JOSD1: variants seen among roughly 807,000 people sequenced by gnomAD.
The protein encoded by JOSD1 is Josephin domain containing 1.
A neutral mutation model predicts 24.3 loss-of-function variants in JOSD1; 11 were observed. The ratio of observed to expected loss-of-function variants is 0.45; its 90% CI spans 0.29 to 0.75. JOSD1 has a LOEUF of 0.75. Among genes scored for constraint, JOSD1 ranks in the 30% least tolerant of loss-of-function variants. JOSD1 has a pLI of 0.11. For missense variants in JOSD1, 184 were observed against 253.5 expected (o/e 0.73, Z 1.86); for synonymous variants, 106 against 93.8 (o/e 1.13, Z -0.75).
At chr22:38,699,554 A>C (rs2092558639) in intron 2 of JOSD1, among the ~76,000 whole-genome samples, 1 of 152,256 alleles carries the variant, frequency 6.6e-6, no homozygotes, top group African/African-American at 2.4e-5. Flanking sequence ...TCACATATTA[A>C]CACGTATTCC....
At position 38,700,886 on chromosome 22, in the gene JOSD1, C is replaced by G. The variant is rs1205929372; in HGVS notation, c.-718G>C. On this transcript the variant is annotated 5_prime_UTR_variant, in exon 1 of 5. Transcript: ENST00000683374. Reference sequence around the variant, plus strand: ...CCCCAGGGCCGCCGGGACTGCTCGCCGCTGGCGGTCCCCTCACCGCAGCCG... The same window carrying G: ...CCCCAGGGCCGCCGGGACTGCTCGCGGCTGGCGGTCCCCTCACCGCAGCCG... The G allele has an allele frequency of 2.0e-5, 20 of 984,356 alleles. No homozygotes were observed. The highest frequency in any genetic ancestry group is 2.4e-5 in the Non-Finnish European group (20 of 829,634). 61.0% of individuals were successfully genotyped at this position (984,356 alleles called of 1,614,324 possible).
At chr22:38,693,867 C>A (rs1298508557) in intron 2 of JOSD1, among the ~76,000 whole-genome samples, 1 of 152,142 alleles carries the variant, frequency 6.6e-6, no homozygotes, top group Non-Finnish European at 1.5e-5. Flanking sequence ...GAGTTCATAT[C>A]CTAGCACCGA....
At chr22:38,691,780 A>G (rs959431434) in intron 2 of JOSD1, among the ~76,000 whole-genome samples, 4 of 152,064 alleles carry the variant, frequency 2.6e-5, no homozygotes. Flanking sequence ...TGACCACCCA[A>G]CCATAAGTTT....
chr22:38,690,336 C>T (rs2092516376), intron 2 of JOSD1, among the ~76,000 whole-genome samples: 1 of 152,076 alleles, frequency 6.6e-6, no homozygotes, highest in South Asian at 2.1e-4. Context: ...GATGTCAACT[C>T]TAAAAAACTT....
In JOSD1 at chr22:38,689,321, C is replaced by T; in HGVS notation, c.289G>A (p.Glu97Lys). 6.2e-7 allele frequency: 1 copy of T among 1,614,274 alleles called. No individual in the cohort carries two copies. The highest frequency in any genetic ancestry group is 8.5e-7 in the Non-Finnish European group (1 of 1,180,046). The stretch of plus-strand genomic sequence containing the variant: ...CTGCGCTTGTCCCACCAAACAGCTT[C>T]ATAGCCTTTGGTCTGAAGTGCTGCC... ...IMAALQTKGY[E>K]AVWWDKRRDV... Residue 97 changes from glutamate to lysine, a missense_variant, in exon 3 of 5, where the codon GAA (glutamate) becomes AAA (lysine). Coordinates refer to ENST00000683374, the MANE Select transcript of JOSD1 (RefSeq NM_001360236.2).
At position 38,700,223 on chromosome 22, in the gene JOSD1, A is replaced by G; in HGVS notation, c.-236T>C. ...TTTGGATTACTTTTATTTTGCTACCACTGTCAAAGTGCAGAATTTAAAAAA... is the reference window on the plus strand; with the variant it reads ...TTTGGATTACTTTTATTTTGCTACCGCTGTCAAAGTGCAGAATTTAAAAAA... On this transcript the variant is annotated 5_prime_UTR_variant, in exon 2 of 5. Coordinates refer to ENST00000683374, the MANE Select transcript of JOSD1 (RefSeq NM_001360236.2). 1 of 1,206,762 alleles carries G rather than the reference A, an allele frequency of 8.3e-7. No homozygotes were observed. Among genetic ancestry groups the G allele is most frequent in the Non-Finnish European group, 1.0e-6 (1 of 969,798 alleles). 74.8% of individuals were successfully genotyped at this position (1,206,762 alleles called of 1,614,324 possible).
rs143129875 is a variant in JOSD1 at position 38,691,002 on chromosome 22, G to A, written c.186-1578C>T. ...GAGGCAGAGGCTGGATGTCACCACT[G>A]CATCCAGCCTGGGTGACAGAGTGAG... On this transcript the variant is annotated intron_variant, in intron 2 of 4. Transcript: ENST00000683374. 4.8e-4 allele frequency among the ~76,000 whole-genome samples: 73 copies of A among 152,214 alleles called. 1 individual carries two copies. The East Asian group carries it at 0.013, about 28-fold the overall frequency.
chr22:38,689,364 G>A lies in JOSD1; in HGVS notation c.246C>T (p.Tyr82=), dbSNP rs1486222771. 1.1e-5 allele frequency: 17 copies of A among 1,614,076 alleles called. No individual in the cohort carries two copies. The highest frequency in any genetic ancestry group is 1.3e-5 in the African/African-American group (1 of 74,916). ...GTGCTGCCATAATGACATTCACATC[G>A]TAGTTGCCATTTCCCAGCATGCTCT... ...HKKSMLGNGN[Y]DVNVIMAALQ... The change falls in exon 3 of 5, where the codon TAC becomes TAT. Residue 82 remains tyrosine (Y), a synonymous_variant. Transcript: ENST00000683374.
chr22:38,689,410 G>C lies in JOSD1; in HGVS notation c.200C>G (p.Thr67Ser). 1 of 1,614,210 alleles carries C rather than the reference G, an allele frequency of 6.2e-7. No individual in the cohort carries two copies. The highest frequency in any genetic ancestry group is 1.1e-5 in the South Asian group (1 of 91,086). Reference sequence around the variant, plus strand: ...GCTCTTCTTGTGAGGTGTCACCATGGTGTTTGGAGACAACCTACCAATGTG... The same window carrying C: ...GCTCTTCTTGTGAGGTGTCACCATGCTGTTTGGAGACAACCTACCAATGTG... Reference protein sequence around the residue: ...QEIFQRLSPNTMVTPHKKSML... With the variant: ...QEIFQRLSPNSMVTPHKKSML... The change falls in exon 3 of 5, where the codon ACC becomes AGC. Residue 67 changes from threonine to serine, a missense_variant. By Grantham distance (58) the Thr-to-Ser change is moderately conservative. Transcript: ENST00000683374.
intron 2 of JOSD1, among the ~76,000 whole-genome samples, chr22:38,697,155 C>T (rs751186055): frequency 6.6e-6 from 1 of 152,260 alleles, no homozygotes; most frequent in African/African-American, 2.4e-5. Context: ...GTGCCTGGCA[C>T]TCTGCAGGCA....
At chr22:38,690,645 T>G (rs2092517850) in intron 2 of JOSD1, among the ~76,000 whole-genome samples, 1 of 152,080 alleles carries the variant, frequency 6.6e-6, no homozygotes. Context: ...AACCTTGTGA[T>G]CCACCCGCCT....
intron 1 of JOSD1, 79 bp downstream of exon 1, chr22:38,700,721 G>A: frequency 1.0e-6 from 1 of 978,154 alleles, no homozygotes; most frequent in Middle Eastern, 5.3e-4. Context: ...CGAAGGGCTG[G>A]CCCGCGAGGG....
chr22:38,700,665 A>C, intron 1 of JOSD1, 47 bp from the exon 2 acceptor site: 1 of 980,366 alleles, frequency 1.0e-6, no homozygotes, highest in Non-Finnish European at 1.2e-6. Flanking sequence ...GGGCGCGGGA[A>C]GTGAGCGGCG....
chr22:38,700,481 G>C lies in JOSD1; in HGVS notation c.-494C>G, dbSNP rs1243415203. 2.0e-6 allele frequency: 2 copies of C among 986,198 alleles called. No individual in the cohort carries two copies. The highest frequency in any genetic ancestry group is 1.2e-6 in the Non-Finnish European group (1 of 830,532). 61.1% of individuals were successfully genotyped at this position (986,198 alleles called of 1,614,324 possible). On this transcript the variant is annotated 5_prime_UTR_variant, in exon 2 of 5. Transcript: ENST00000683374. Reference sequence around the variant, plus strand: ...ATAAATTTAGCGCACGAGTCGAGTAGCTAGCGCGGGCCGGCAGGCGTGGGA... The same window carrying C: ...ATAAATTTAGCGCACGAGTCGAGTACCTAGCGCGGGCCGGCAGGCGTGGGA...
chr22:38,696,036 G>A (rs1016414748), intron 2 of JOSD1, among the ~76,000 whole-genome samples: 22 of 152,100 alleles, frequency 1.4e-4, no homozygotes, highest in African/African-American at 5.1e-4. Context: ...AGCCTAGGCA[G>A]ACAGAGCAAG....
chr22:38,700,739 C>A (rs936015245), intron 1 of JOSD1, 61 bp downstream of exon 1: 1 of 981,864 alleles, frequency 1.0e-6, no homozygotes, highest in African/African-American at 1.7e-5. Context: ...GGGGTGGGGC[C>A]GGACAGTCAG....
At chr22:38,688,252 TA>T (rs2092506643) in intron 4 of JOSD1, among the ~76,000 whole-genome samples, 1 of 152,056 alleles carries the variant, frequency 6.6e-6, no homozygotes, top group African/African-American at 2.4e-5. Flanking sequence ...ACCCAAAGTA[TA>T]TAAAGGACTT....
chr22:38,700,050 T>A lies in JOSD1; in HGVS notation c.-63A>T, dbSNP rs890430850. ...CCCACTCTTCCCTCTAGAGGAAGAA[T>A]GTAAGCTTCTCAGTCTTTTCCGGAT... On this transcript the variant is annotated 5_prime_UTR_variant, in exon 2 of 5. Transcript: ENST00000683374. The A allele has an allele frequency of 2.0e-5, 31 of 1,515,954 alleles. No individual in the cohort carries two copies. In the African/African-American group the frequency reaches 2.1e-4, roughly 10 times the overall value. The allele number at this position is 1,515,954 out of a possible 1,614,324, so 93.9% of individuals were successfully genotyped here.
Position 38,700,289 on chromosome 22 carries a change from T to TGGC in JOSD1, c.-303_-302insGCC. The TGGC allele has an allele frequency of 7.8e-6, 7 of 894,384 alleles. No homozygotes were observed. The highest frequency in any genetic ancestry group is 8.2e-6 in the Non-Finnish European group (6 of 733,754). The allele number at this position is 894,384 out of a possible 1,614,324, so 55.4% of individuals were successfully genotyped here. A position where few individuals can be genotyped will look rare whatever the true frequency, so the allele number is the denominator to read the frequency against. The stretch of plus-strand genomic sequence containing the variant: ...GACCTTGTTTCCGTTTCCCCACCCT[T>TGGC]CCCTCCCACCCCCCTCCAAAATCCC... On this transcript the variant is annotated 5_prime_UTR_variant, in exon 2 of 5. Transcript: ENST00000683374.
Sources: allele counts gnomAD v4.1 joint callset (sites outside exome capture counted in the v4.1 genomes callset), GRCh38; gene constraint gnomAD v4.1.1; transcripts MANE v1.5; gene names NCBI Gene and HGNC (gene_info 2026-07-23, HGNC 2026-07-21).